AGR3: variants seen among roughly 807,000 people sequenced by gnomAD.
AGR3 encodes the protein anterior gradient 3, protein disulphide isomerase family member, also known as anterior gradient protein 3.
In AGR3, 37 loss-of-function variants were observed where a neutral mutation model predicts 24.5. That is an observed-to-expected ratio of 1.51 (90% CI 1.16 to 1.99). The LOEUF (loss-of-function observed/expected upper bound fraction) is 1.99. AGR3 is among the 30% of genes most tolerant of loss of function. The pLI is 0.00. For missense variants in AGR3, 228 were observed against 191.1 expected, an observed-to-expected ratio of 1.19 and a Z score of -1.14; for synonymous variants, 75 against 61.6, an observed-to-expected ratio of 1.22 and a Z score of -1.02.
At chr7:16,862,886 C>T (rs118006739) in intron 3 of AGR3, among the ~76,000 whole-genome samples, 2,372 of 152,262 alleles carry the variant, frequency 0.016, 30 homozygotes, top group Non-Finnish European at 0.025. Flanking sequence ...AATTCAAAGG[C>T]TCCGTTCCCA....
At chr7:16,874,805 A>G (rs2115314214) in intron 2 of AGR3, among the ~76,000 whole-genome samples, 1 of 152,240 alleles carries the variant, frequency 6.6e-6, no homozygotes, top group African/African-American at 2.4e-5. Flanking sequence ...ATACGCCAAT[A>G]CAACTCACCT....
rs1035765641 is a variant in AGR3, at chr7:16,879,874, G to A, written c.-27-1229C>T. On this transcript the variant is annotated intron_variant, in intron 1 of 7. Coordinates refer to ENST00000310398, the MANE Select transcript of AGR3 (RefSeq NM_176813.5). Reference sequence around the variant, plus strand: ...CGTGGAGGAGAACAACAATTTGGTGGTAAAGAAGTTTACAGATTCTAGATT... The same window carrying A: ...CGTGGAGGAGAACAACAATTTGGTGATAAAGAAGTTTACAGATTCTAGATT... Among the ~76,000 whole-genome samples the A allele has an allele frequency of 3.3e-5, 5 of 152,124 alleles. 1 individual carries two copies. Among genetic ancestry groups the A allele is most frequent in the Admixed American group, 2.0e-4 (3 of 15,272 alleles).
intron 2 of AGR3, among the ~76,000 whole-genome samples, chr7:16,874,221 C>T (rs112981194): frequency 6.6e-5 from 10 of 152,124 alleles, no homozygotes; most frequent in South Asian, 2.1e-4. Context: ...GGAATCCTTT[C>T]GGCTGTACTC....
chr7:16,862,215 T>C (rs374938037), intron 4 of AGR3, among the ~76,000 whole-genome samples, 155 bp from the exon 5 acceptor site: 4 of 152,176 alleles, frequency 2.6e-5, no homozygotes, highest in Admixed American at 1.3e-4. Flanking sequence ...TTGTCCCTCA[T>C]TGGAAAGCAA....
At chr7:16,860,679 A>C in intron 6 of AGR3, 96 bp from the exon 7 acceptor site, 2 of 840,620 alleles carry the variant, frequency 2.4e-6, no homozygotes, top group South Asian at 3.4e-5. Context: ...TGTGGGGGTT[A>C]TGTGTACAAG....
At chr7:16,871,395 C>CT (rs576035274) in intron 3 of AGR3, among the ~76,000 whole-genome samples, 3 of 151,948 alleles carry the variant, frequency 2.0e-5, no homozygotes, top group African/African-American at 4.8e-5. Context: ...AACTAAAATG[C>CT]TTTTTTTTGA....
At chr7:16,858,704 C>G (rs1186432256), downstream of AGR3, among the ~76,000 whole-genome samples, 2 of 151,876 alleles carry the variant, frequency 1.3e-5, no homozygotes, top group Non-Finnish European at 2.9e-5. Flanking sequence ...AACCCTGTCT[C>G]TATTAAAAAT....
intron 5 of AGR3, 36 bp from the exon 6 acceptor site, chr7:16,861,483 T>TTCA (rs779031062): frequency 6.5e-7 from 1 of 1,546,996 alleles, no homozygotes; most frequent in Non-Finnish European, 8.8e-7. Context: ...TGTTATTGGA[T>TTCA]TCATTTGTTT....
chr7:16,878,199 C>G (rs915530328), intron 2 of AGR3, among the ~76,000 whole-genome samples: 21 of 151,766 alleles, frequency 1.4e-4, no homozygotes, highest in African/African-American at 5.1e-4. Context: ...TATTAGGACA[C>G]CAATATGACG....
At chr7:16,875,865 G>A (rs993372448) in intron 2 of AGR3, among the ~76,000 whole-genome samples, 13 of 152,194 alleles carry the variant, frequency 8.5e-5, no homozygotes, top group East Asian at 1.9e-4. Flanking sequence ...TCCAACTTTG[G>A]TTGAACACAT....
rs1163880608 is a variant in AGR3 at position 16,871,623 on chromosome 7, A to AGAT, written c.173+2156_173+2157insATC. On this transcript the variant is annotated intron_variant, in intron 3 of 7. Transcript: ENST00000310398. ...TTTGGGAGGTTGAGGTGGACGTATC[A>AGAT]CCTGAGATCAAGAGTTCGAGACCAG... 2.0e-5 allele frequency among the ~76,000 whole-genome samples: 3 copies of AGAT among 152,156 alleles called. No individual in the cohort carries two copies. The South Asian group carries it at 6.2e-4, about 32-fold the overall frequency.
chr7:16,856,151 C>T (rs1781553652), downstream of AGR3, among the ~76,000 whole-genome samples: 1 of 152,174 alleles, frequency 6.6e-6, no homozygotes, highest in South Asian at 2.1e-4. Context: ...TACCACTAGA[C>T]TGTGAATTTC....
intron 2 of AGR3, among the ~76,000 whole-genome samples, chr7:16,875,111 T>A (rs1277264598): frequency 1.9e-5 from 1 of 53,186 alleles, no homozygotes; most frequent in Non-Finnish European, 4.5e-5. Context: ...CGAGACTCCA[T>A]CTCAAAAAAA....
chr7:16,869,943 T>G (rs1156947505), intron 3 of AGR3, among the ~76,000 whole-genome samples: 1 of 151,958 alleles, frequency 6.6e-6, no homozygotes, highest in Non-Finnish European at 1.5e-5. Context: ...TTTTTTCATT[T>G]CAACTTTAGA....
chr7:16,866,200 C>T (rs1781755087), intron 3 of AGR3: 1 of 531,538 alleles, frequency 1.9e-6, no homozygotes, highest in Admixed American at 2.2e-5. Flanking sequence ...AATGATGTGG[C>T]AGTAATAGTA....
chr7:16,867,597 T>A (rs1187497970), intron 3 of AGR3, among the ~76,000 whole-genome samples: 1 of 152,150 alleles, frequency 6.6e-6, no homozygotes, highest in African/African-American at 2.4e-5. Flanking sequence ...GTACAACAGA[T>A]CTCTTCAATT....
At chr7:16,863,906 C>G in intron 3 of AGR3, among the ~76,000 whole-genome samples, 1 of 151,924 alleles carries the variant, frequency 6.6e-6, no homozygotes, top group East Asian at 1.9e-4. Flanking sequence ...GCATCCTAAA[C>G]TCTTGTATAG....
chr7:16,862,193 C>T (rs563599099), intron 4 of AGR3, 133 bp from the exon 5 acceptor site: 2 of 662,346 alleles, frequency 3.0e-6, no homozygotes, highest in East Asian at 2.8e-5. Context: ...AGTTCATTGG[C>T]CTATTGCCAC....
chr7:16,871,915 A>T (rs918876004), intron 3 of AGR3, among the ~76,000 whole-genome samples: 5 of 152,196 alleles, frequency 3.3e-5, no homozygotes, highest in Admixed American at 2.6e-4. Flanking sequence ...AAAGATCCCT[A>T]CAAGAAAAAC....
Sources: gnomAD v4.1 joint callset for allele counts (sites outside exome capture counted in the v4.1 genomes callset) on GRCh38, gnomAD v4.1.1 for gene constraint, MANE v1.5 for transcripts, NCBI Gene and HGNC (gene_info 2026-07-23, HGNC 2026-07-21) for gene names.